Variants in CNTNAP2 observed in about 807,000 individuals in gnomAD.
CNTNAP2 encodes contactin-associated protein-like 2.
Under a neutral mutation model 155.2 loss-of-function variants are expected in CNTNAP2, and 98 were observed. The observed-to-expected ratio is 0.63, with a 90% CI of 0.54 to 0.75. The LOEUF (loss-of-function observed/expected upper bound fraction) is 0.75, where lower values mean the gene tolerates loss of function less well. CNTNAP2 is among the 30% of genes least tolerant of loss of function. The probability of loss-of-function intolerance (pLI) is 0.00; values close to 1 mark genes in which losing one functional copy is unlikely to be tolerated. For synonymous variants in CNTNAP2, 651 were observed against 631.2 expected (o/e 1.03, Z -0.47); for missense variants, 1,727 against 1,688.1 (o/e 1.02, Z -0.40).
intron 2 of CNTNAP2, among the ~76,000 whole-genome samples, chr7:146,806,334 C>CA (rs111572841): frequency 0.017 from 2,326 of 136,600 alleles, 36 homozygotes; most frequent in African/African-American, 0.049. Context: ...CTACTAAATA[C>CA]AAAAAAAAAA....
intron 3 of CNTNAP2, among the ~76,000 whole-genome samples, chr7:146,941,357 C>CA (rs1797052603): frequency 6.6e-6 from 1 of 151,462 alleles, no homozygotes; most frequent in African/African-American, 2.4e-5. Flanking sequence ...TCTTTGATCA[C>CA]AAAAAAGCAA....
chr7:147,229,648 G>C (rs1455014407), intron 8 of CNTNAP2, among the ~76,000 whole-genome samples: 1 of 152,154 alleles, frequency 6.6e-6, no homozygotes, highest in Non-Finnish European at 1.5e-5. Context: ...CTCAAGCTTA[G>C]TGAAAACTCC....
chr7:147,346,031 T>C (rs1348114957), intron 9 of CNTNAP2, among the ~76,000 whole-genome samples: 2 of 152,236 alleles, frequency 1.3e-5, no homozygotes, highest in African/African-American at 4.8e-5. Flanking sequence ...ATATTTTTGA[T>C]AGCTGCAAAA....
intron 18 of CNTNAP2, among the ~76,000 whole-genome samples, chr7:148,200,679 G>A (rs147071411): frequency 7.8e-4 from 119 of 152,140 alleles, no homozygotes; most frequent in African/African-American, 2.0e-3. Context: ...ACCATTCTCC[G>A]CAGTAATTTT....
chr7:147,172,805 G>A (rs1405595541), intron 8 of CNTNAP2, among the ~76,000 whole-genome samples: 2 of 152,138 alleles, frequency 1.3e-5, no homozygotes, highest in Admixed American at 1.3e-4. Context: ...TCATATGCAC[G>A]AGTTCCTTGC....
chr7:147,679,036 A>G (rs1228837207), intron 13 of CNTNAP2, among the ~76,000 whole-genome samples: 1 of 151,876 alleles, frequency 6.6e-6, no homozygotes, highest in Non-Finnish European at 1.5e-5. Flanking sequence ...CTTACCTTAG[A>G]GAAATCTTCA....
chr7:146,933,450 A>T (rs1279726346), intron 3 of CNTNAP2, among the ~76,000 whole-genome samples: 1 of 151,628 alleles, frequency 6.6e-6, no homozygotes, highest in South Asian at 2.1e-4. Context: ...GGATGGATTA[A>T]AGACTTAAAT....
At chr7:146,251,399 G>C (rs1799754641) in intron 1 of CNTNAP2, among the ~76,000 whole-genome samples, 1 of 152,014 alleles carries the variant, frequency 6.6e-6, no homozygotes, top group African/African-American at 2.4e-5. Context: ...TTCCACCTAA[G>C]CAGATATGCT....
At chr7:148,385,036 G>C (rs542620986) in intron 22 of CNTNAP2, among the ~76,000 whole-genome samples, 4 of 152,154 alleles carry the variant, frequency 2.6e-5, no homozygotes, top group Non-Finnish European at 5.9e-5. Flanking sequence ...ATTTGTAACA[G>C]TTCATTCTCT....
chr7:147,872,582 T>C (rs1799345508), intron 13 of CNTNAP2, among the ~76,000 whole-genome samples: 1 of 152,118 alleles, frequency 6.6e-6, no homozygotes, highest in African/African-American at 2.4e-5. Flanking sequence ...TTTTTGGTGT[T>C]TTGGCCGTAA....
intron 15 of CNTNAP2, among the ~76,000 whole-genome samples, chr7:148,039,271 G>A (rs2116475437): frequency 1.3e-5 from 2 of 152,272 alleles, no homozygotes; most frequent in South Asian, 4.1e-4. Context: ...TGATGGCCAA[G>A]GACAGGAGAA....
chr7:146,448,921 C>T (rs1386655033), intron 1 of CNTNAP2, among the ~76,000 whole-genome samples: 1 of 152,028 alleles, frequency 6.6e-6, no homozygotes, highest in Non-Finnish European at 1.5e-5. Context: ...CAGCTCCATC[C>T]TCTTTCATCT....
At chr7:147,584,664 A>G (rs538108676) in intron 12 of CNTNAP2, among the ~76,000 whole-genome samples, 1 of 152,358 alleles carries the variant, frequency 6.6e-6, no homozygotes, top group East Asian at 1.9e-4. Flanking sequence ...AAATCTGTAA[A>G]TGGAATTCCC....
At chr7:147,211,116 A>G (rs1005453742) in intron 8 of CNTNAP2, among the ~76,000 whole-genome samples, 1 of 151,652 alleles carries the variant, frequency 6.6e-6, no homozygotes, top group African/African-American at 2.4e-5. Flanking sequence ...TATAGTTGAT[A>G]GGTGATGTAT....
intron 3 of CNTNAP2, among the ~76,000 whole-genome samples, chr7:146,929,832 G>T (rs1356008848): frequency 6.6e-6 from 1 of 152,066 alleles, no homozygotes; most frequent in Non-Finnish European, 1.5e-5. Context: ...CGGAAGAAAG[G>T]GTATCAGTGA....
At chr7:146,681,476 G>A (rs1160230307) in intron 1 of CNTNAP2, among the ~76,000 whole-genome samples, 1 of 81,804 alleles carries the variant, frequency 1.2e-5, no homozygotes, top group Non-Finnish European at 2.5e-5. Flanking sequence ...AGAGGGTAGA[G>A]GGTGGAAGGT....
At chr7:146,175,046 A>C (rs1001287489) in intron 1 of CNTNAP2, among the ~76,000 whole-genome samples, 2 of 152,098 alleles carry the variant, frequency 1.3e-5, no homozygotes, top group African/African-American at 4.8e-5. Context: ...TTCCTTATTC[A>C]TTCAATATGA....
At chr7:148,019,551 G>T (rs550186776) in intron 15 of CNTNAP2, among the ~76,000 whole-genome samples, 1 of 151,874 alleles carries the variant, frequency 6.6e-6, no homozygotes, top group East Asian at 2.0e-4. Flanking sequence ...CCACCCCCCA[G>T]GTCCAAGAGA....
intron 1 of CNTNAP2, among the ~76,000 whole-genome samples, chr7:146,120,464 T>C (rs753139062): frequency 2.8e-4 from 43 of 152,122 alleles, no homozygotes; most frequent in Admixed American, 3.9e-4. Context: ...TATGGCAAAA[T>C]TGGGCAAAAA....
Sources: gnomAD v4.1 joint callset for allele counts (sites outside exome capture counted in the v4.1 genomes callset) on GRCh38, gnomAD v4.1.1 for gene constraint, MANE v1.5 for transcripts, NCBI Gene and HGNC (gene_info 2026-07-23, HGNC 2026-07-21) for gene names.